TBC1D22A: variants seen among roughly 807,000 people sequenced by gnomAD.
TBC1D22A encodes the protein putative GTPase activator.
Under a neutral mutation model 60.2 loss-of-function variants are expected in TBC1D22A, and 38 were observed. The ratio of observed to expected loss-of-function variants is 0.63; its 90% CI spans 0.49 to 0.83. TBC1D22A has a LOEUF of 0.83. TBC1D22A is among the 40% of genes least tolerant of loss of function. TBC1D22A has a pLI of 0.00. For missense variants in TBC1D22A, 628 were observed against 701.0 expected, an observed-to-expected ratio of 0.90 and a Z score of 1.18; for synonymous variants, 302 against 281.7, an observed-to-expected ratio of 1.07 and a Z score of -0.72.
intron 11 of TBC1D22A, among the ~76,000 whole-genome samples, chr22:47,103,186 G>A (rs574536809): frequency 5.3e-5 from 8 of 152,108 alleles, no homozygotes; most frequent in Non-Finnish European, 1.2e-4. Context: ...GTGTAATTTC[G>A]TTCGGTTTCC....
intron 8 of TBC1D22A, chr22:46,913,406 C>T (rs2070105769): frequency 7.3e-7 from 1 of 1,366,384 alleles, no homozygotes; most frequent in Non-Finnish European, 9.8e-7. Flanking sequence ...TACCCGAGGA[C>T]AGATGAACAG....
intron 8 of TBC1D22A, among the ~76,000 whole-genome samples, chr22:46,924,020 T>A (rs113184209): frequency 1.3e-5 from 2 of 152,356 alleles, no homozygotes; most frequent in South Asian, 2.1e-4. Context: ...ATGTTAAATT[T>A]GAAGATTTTG....
chr22:46,970,829 C>T (rs373899352), intron 8 of TBC1D22A, among the ~76,000 whole-genome samples: 5 of 152,262 alleles, frequency 3.3e-5, no homozygotes, highest in Admixed American at 1.3e-4. Context: ...CCTGCAGTTC[C>T]GCCTGGGCCA....
At chr22:47,071,295 G>A (rs1398460517) in intron 11 of TBC1D22A, among the ~76,000 whole-genome samples, 1 of 152,190 alleles carries the variant, frequency 6.6e-6, no homozygotes, top group Non-Finnish European at 1.5e-5. Context: ...CCAGATACCC[G>A]CCTTACAGCC....
At chr22:46,869,241 C>T (rs1569153336) in intron 4 of TBC1D22A, among the ~76,000 whole-genome samples, 1 of 152,230 alleles carries the variant, frequency 6.6e-6, no homozygotes, top group Non-Finnish European at 1.5e-5. Context: ...AGCAGCAGCT[C>T]ACGGAGAATC....
At chr22:47,099,348 G>T (rs1050899768) in intron 11 of TBC1D22A, among the ~76,000 whole-genome samples, 2 of 152,204 alleles carry the variant, frequency 1.3e-5, no homozygotes, top group African/African-American at 4.8e-5. Context: ...GGGAGAGTTG[G>T]GTTTAGGGGC....
intron 11 of TBC1D22A, among the ~76,000 whole-genome samples, chr22:47,038,099 G>C (rs923736790): frequency 3.2e-4 from 49 of 152,188 alleles, no homozygotes; most frequent in African/African-American, 1.1e-3. Flanking sequence ...AGCGGAGGCG[G>C]TGCTGTGGGG....
At chr22:46,955,225 GGTTT>G (rs2073126001) in intron 8 of TBC1D22A, among the ~76,000 whole-genome samples, 1 of 152,106 alleles carries the variant, frequency 6.6e-6, no homozygotes, top group African/African-American at 2.4e-5. Flanking sequence ...TTATTGAAGT[GGTTT>G]GTTAATTTTG....
intron 12 of TBC1D22A, chr22:47,116,041 C>G (rs2147740438): frequency 6.6e-6 from 1 of 152,426 alleles, no homozygotes; most frequent in African/African-American, 2.4e-5. Flanking sequence ...GGGGGTCCAA[C>G]TGCTAAACGC....
intron 12 of TBC1D22A, among the ~76,000 whole-genome samples, chr22:47,124,714 G>A (rs1285987615): frequency 4.6e-5 from 7 of 152,138 alleles, no homozygotes; most frequent in South Asian, 2.1e-4. Context: ...GGGGACAGAC[G>A]GGGGGCTTCT....
chr22:47,144,197 C>T (rs1401661197), intron 12 of TBC1D22A, among the ~76,000 whole-genome samples: 1 of 152,236 alleles, frequency 6.6e-6, no homozygotes, highest in Non-Finnish European at 1.5e-5. Context: ...ACCTGAGCCA[C>T]CGTGCTCACT....
intron 8 of TBC1D22A, among the ~76,000 whole-genome samples, chr22:46,931,706 A>G (rs1175326939): frequency 6.6e-6 from 1 of 152,102 alleles, no homozygotes; most frequent in Non-Finnish European, 1.5e-5. Context: ...ACCTCACTTA[A>G]AGTTTCAGAA....
chr22:46,943,997 G>T (rs2072349102), intron 8 of TBC1D22A, among the ~76,000 whole-genome samples: 1 of 152,196 alleles, frequency 6.6e-6, no homozygotes, highest in Admixed American at 6.5e-5. Flanking sequence ...ATTATGAACA[G>T]TGCTGCTGTA....
chr22:47,051,238 C>T (rs977168529), intron 11 of TBC1D22A, among the ~76,000 whole-genome samples: 6 of 152,174 alleles, frequency 3.9e-5, no homozygotes, highest in South Asian at 2.1e-4. Flanking sequence ...TCTCTAAATA[C>T]GTAAACCCTC....
intron 8 of TBC1D22A, among the ~76,000 whole-genome samples, chr22:46,969,437 G>T (rs136104): frequency 0.44 from 67,077 of 152,016 alleles, 16,834 homozygotes; most frequent in African/African-American, 0.7. Context: ...TTGATAAAGG[G>T]GGGCTTATTT....
At chr22:47,092,624 C>T (rs957638637) in intron 11 of TBC1D22A, among the ~76,000 whole-genome samples, 9 of 152,136 alleles carry the variant, frequency 5.9e-5, no homozygotes, top group South Asian at 2.1e-4. Context: ...ACATGCCCAC[C>T]GGCGGGCCTC....
intron 10 of TBC1D22A, among the ~76,000 whole-genome samples, chr22:47,036,827 C>G (rs1458825541): frequency 6.6e-6 from 1 of 152,240 alleles, no homozygotes; most frequent in East Asian, 1.9e-4. Flanking sequence ...AGCACCCGAA[C>G]ATGTCCATGA....
chr22:47,146,178 G>A lies in TBC1D22A; in HGVS notation c.1426-27320G>A, dbSNP rs558201237. ...AGGGGTTGACTGGGGGCCGCGGCGC[G>A]GGGACGCACTGGATTGCTGGCCTGT... On this transcript the variant is annotated intron_variant, in intron 12 of 12. Transcript: ENST00000337137. Among the ~76,000 whole-genome samples the A allele has an allele frequency of 1.1e-4, 17 of 152,170 alleles. 1 individual carries two copies. Among genetic ancestry groups the A allele is most frequent in the African/African-American group, 3.1e-4 (13 of 41,522 alleles).
chr22:46,999,929 T>G (rs1602913123), intron 10 of TBC1D22A, among the ~76,000 whole-genome samples: 1 of 151,844 alleles, frequency 6.6e-6, no homozygotes, highest in Non-Finnish European at 1.5e-5. Context: ...GGAGGCTGAG[T>G]CAGAAGACTG....
Sources: allele counts gnomAD v4.1 joint callset (sites outside exome capture counted in the v4.1 genomes callset), GRCh38; gene constraint gnomAD v4.1.1; transcripts MANE v1.5; gene names NCBI Gene and HGNC (gene_info 2026-07-23, HGNC 2026-07-21).